The following CHRNA1 variants were observed in gnomAD, a reference collection of about 807,000 sequenced individuals.
CHRNA1 encodes cholinergic receptor nicotinic alpha 1 subunit.
A neutral mutation model predicts 47.1 loss-of-function variants in CHRNA1; 35 were observed. The observed-to-expected ratio is 0.74, with a 90% CI of 0.57 to 0.99. The LOEUF is 0.99. Among genes scored for constraint, CHRNA1 ranks in the 50% least tolerant of loss-of-function variants. CHRNA1 has a pLI of 0.00. For synonymous variants in CHRNA1, 229 were observed against 223.6 expected, an observed-to-expected ratio of 1.02 and a Z score of -0.22; for missense variants, 506 against 591.1, an observed-to-expected ratio of 0.86 and a Z score of 1.49.
chr2:174,750,945 T>C (rs115077694), intron 6 of CHRNA1, among the ~76,000 whole-genome samples: 1,590 of 152,178 alleles, frequency 0.01, 20 homozygotes, highest in African/African-American at 0.029. Context: ...AGCAGATGAA[T>C]GGGCAGCCCA....
At chr2:174,762,604 T>C (rs1684120680) in intron 1 of CHRNA1, among the ~76,000 whole-genome samples, 1 of 152,178 alleles carries the variant, frequency 6.6e-6, no homozygotes, top group African/African-American at 2.4e-5. Flanking sequence ...TGTGAACAAG[T>C]TGGAAAGTGA....
intron 7 of CHRNA1, among the ~76,000 whole-genome samples, chr2:174,749,116 G>A (rs1010364602): frequency 6.6e-6 from 1 of 152,212 alleles, no homozygotes; most frequent in Non-Finnish European, 1.5e-5. Context: ...AAAAGCGTCA[G>A]GATCCCCTAC....
At position 174,748,088 on chromosome 2, in the gene CHRNA1, G is replaced by A. The variant is rs759611404; in HGVS notation, c.*36C>T. On this transcript the variant is annotated 3_prime_UTR_variant, in exon 9 of 9. Transcript: ENST00000348749. Reference sequence around the variant, plus strand: ...CTCCTGCCCTTCTCTGCTCTGGTAGGTTCCAGGGCAGAGCTAAGCTCAGCT... The same window carrying A: ...CTCCTGCCCTTCTCTGCTCTGGTAGATTCCAGGGCAGAGCTAAGCTCAGCT... The A allele has an allele frequency of 5.6e-6, 9 of 1,612,976 alleles. No homozygotes were observed. The highest frequency in any genetic ancestry group is 7.6e-6 in the Non-Finnish European group (9 of 1,179,608).
intron 4 of CHRNA1, among the ~76,000 whole-genome samples, chr2:174,755,149 T>C (rs1683954982): frequency 6.6e-6 from 1 of 152,104 alleles, no homozygotes; most frequent in Non-Finnish European, 1.5e-5. Context: ...CCTCTCAAAG[T>C]GCTAGGATTA....
In CHRNA1 at chr2:174,748,598, T is replaced by C; in HGVS notation, c.1224A>G (p.Ser408=). 1.2e-6 allele frequency: 2 copies of C among 1,612,752 alleles called. No homozygotes were observed. Among genetic ancestry groups the C allele is most frequent in the Non-Finnish European group, 1.7e-6 (2 of 1,178,852 alleles). Residue 408 remains serine, a synonymous_variant, in exon 8 of 9, where the codon TCA becomes TCG. Transcript: ENST00000348749. ...AGCTTACATTGTTAGACTCCTGGTC[T>C]GACTTCATGGTCTCTGCGATGTACT... The part of the protein sequence containing the change: ...GIKYIAETMK[S]DQESNNAAAE...
intron 1 of CHRNA1, among the ~76,000 whole-genome samples, chr2:174,762,715 G>T (rs1171244288): frequency 6.6e-6 from 1 of 152,214 alleles, no homozygotes; most frequent in Non-Finnish European, 1.5e-5. Context: ...CAGAGATCAC[G>T]CTGTGTTAAG....
At chr2:174,759,131 C>A (rs928130366) in intron 3 of CHRNA1, among the ~76,000 whole-genome samples, 200 bp downstream of exon 3, 3 of 152,028 alleles carry the variant, frequency 2.0e-5, no homozygotes, top group African/African-American at 7.2e-5. Flanking sequence ...CCCTAGCAAA[C>A]TAACACACAC....
At chr2:174,758,068 C>T (rs774264144) in intron 3 of CHRNA1, 10 of 1,613,416 alleles carry the variant, frequency 6.2e-6, no homozygotes, top group Non-Finnish European at 8.5e-6. Context: ...ACGTTTTTCT[C>T]AAGCAGGCAA....
intron 1 of CHRNA1, 70 bp from the exon 2 acceptor site, chr2:174,759,703 A>T (rs1429091529): frequency 2.4e-5 from 38 of 1,586,352 alleles, no homozygotes; most frequent in South Asian, 1.1e-4. Context: ...AACATGAGGA[A>T]CTGAGGAACT....
intron 1 of CHRNA1, among the ~76,000 whole-genome samples, chr2:174,760,066 T>C (rs376779123): frequency 1.4e-4 from 22 of 152,294 alleles, no homozygotes; most frequent in East Asian, 5.8e-4. Flanking sequence ...CCAAAATTGA[T>C]GCTGGTTCAA....
intron 6 of CHRNA1, chr2:174,752,753 G>GTT (rs142973006): frequency 8.6e-4 from 87 of 101,534 alleles, no homozygotes; most frequent in South Asian, 2.6e-3. Flanking sequence ...AAGATTTTGT[G>GTT]GTTTTTTTTT....
At chr2:174,763,111 T>G (rs1364826683) in intron 1 of CHRNA1, among the ~76,000 whole-genome samples, 1 of 152,178 alleles carries the variant, frequency 6.6e-6, no homozygotes, top group Non-Finnish European at 1.5e-5. Flanking sequence ...CTGATCTAGC[T>G]CTAAATTTCT....
chr2:174,757,272 A>G (rs1414054732), intron 4 of CHRNA1, among the ~76,000 whole-genome samples: 1 of 151,924 alleles, frequency 6.6e-6, no homozygotes, highest in African/African-American at 2.4e-5. Context: ...GTCATGAGAC[A>G]CCATATGGCA....
rs1683782626 is a variant in CHRNA1, at chr2:174,748,595, G to A, written c.1227C>T (p.Asp409=). ...CGAAGCTTACATTGTTAGACTCCTG[G>A]TCTGACTTCATGGTCTCTGCGATGT... ...IKYIAETMKS[D]QESNNAAAEW... Residue 409 remains aspartate, a synonymous_variant, in exon 8 of 9, where the codon GAC becomes GAT. Transcript: ENST00000348749. The A allele has an allele frequency of 6.2e-7, 1 of 1,612,712 alleles. No homozygotes were observed. Among genetic ancestry groups the A allele is most frequent in the Non-Finnish European group, 8.5e-7 (1 of 1,178,844 alleles).
At chr2:174,753,817 C>T in intron 5 of CHRNA1, 77 bp from the exon 6 acceptor site, 5 of 1,360,330 alleles carry the variant, frequency 3.7e-6, no homozygotes, top group Non-Finnish European at 5.2e-6. Flanking sequence ...TCAGCAGTGA[C>T]AAGGCCACAG....
At chr2:174,762,167 G>A (rs1424992174) in intron 1 of CHRNA1, among the ~76,000 whole-genome samples, 1 of 152,056 alleles carries the variant, frequency 6.6e-6, no homozygotes. Context: ...AAGGAAGGAG[G>A]GCTTCATTTC....
chr2:174,761,966 T>C (rs1041471608), intron 1 of CHRNA1, among the ~76,000 whole-genome samples: 4 of 152,138 alleles, frequency 2.6e-5, no homozygotes, highest in African/African-American at 9.7e-5. Context: ...GAAGAACATA[T>C]TAGAAAGCAG....
chr2:174,753,984 A>T (rs146276276), intron 5 of CHRNA1, among the ~76,000 whole-genome samples: 32 of 152,204 alleles, frequency 2.1e-4, no homozygotes, highest in Non-Finnish European at 1.6e-4. Context: ...AAACATATTG[A>T]TGCCCTACCG....
chr2:174,757,573 A>G lies in CHRNA1; in HGVS notation c.337T>C (p.Tyr113His). The change falls in exon 4 of 9, where the codon TAT becomes CAT. Residue 113 changes from tyrosine to histidine, a missense_variant. By Grantham distance (83) the Tyr-to-His change is moderately conservative. Coordinates refer to ENST00000348749, the MANE Select transcript of CHRNA1 (RefSeq NM_000079.4). ...CCCATGCAGTTTGCTCACTTGTTAT[A>G]GAGAACAAGGTCTGGGCGCCAGATC... ...EKIWRPDLVL[Y>H]NNADGDFAIV... The G allele has an allele frequency of 1.2e-6, 2 of 1,613,440 alleles. No homozygotes were observed. Among genetic ancestry groups the G allele is most frequent in the Non-Finnish European group, 1.7e-6 (2 of 1,179,360 alleles).
Sources: gnomAD v4.1 joint callset for allele counts (sites outside exome capture counted in the v4.1 genomes callset) on GRCh38, gnomAD v4.1.1 for gene constraint, MANE v1.5 for transcripts, NCBI Gene and HGNC (gene_info 2026-07-23, HGNC 2026-07-21) for gene names.